The following EPHA5 variants were observed in gnomAD, a reference collection of about 807,000 sequenced individuals.
EPHA5 encodes EPH receptor A5.
A neutral mutation model predicts 105.0 loss-of-function variants in EPHA5; 60 were observed. The ratio of observed to expected loss-of-function variants is 0.57; its 90% CI spans 0.46 to 0.71. EPHA5 has a LOEUF of 0.71. Among genes scored for constraint, EPHA5 ranks in the 30% least tolerant of loss-of-function variants. The pLI is 0.00. For synonymous variants in EPHA5, 513 were observed against 449.1 expected, an observed-to-expected ratio of 1.14 and a Z score of -1.80; for missense variants, 1,218 against 1,274.7, an observed-to-expected ratio of 0.96 and a Z score of 0.68.
intron 1 of EPHA5, among the ~76,000 whole-genome samples, chr4:65,644,989 TAA>T (rs1182329634): frequency 2.0e-5 from 3 of 152,076 alleles, no homozygotes; most frequent in Non-Finnish European, 2.9e-5. Context: ...TAAGGAATAA[TAA>T]TTAATTTGTG....
chr4:65,447,056 A>C (rs1424281359), intron 5 of EPHA5, among the ~76,000 whole-genome samples: 1 of 143,790 alleles, frequency 7.0e-6, no homozygotes, highest in Non-Finnish European at 1.5e-5. Flanking sequence ...GCATGATCAT[A>C]GCTCACTGTA....
intron 14 of EPHA5, 118 bp downstream of exon 14, chr4:65,347,936 A>G: frequency 1.9e-6 from 2 of 1,080,888 alleles, no homozygotes; most frequent in Non-Finnish European, 2.6e-6. Context: ...TCAGAGGGTA[A>G]GCAAAGTATT....
intron 5 of EPHA5, among the ~76,000 whole-genome samples, chr4:65,486,162 T>C (rs972319101): frequency 1.3e-5 from 2 of 152,056 alleles, no homozygotes; most frequent in Non-Finnish European, 2.9e-5. Context: ...CACAGTGAAG[T>C]TCGAAGTTCC....
intron 3 of EPHA5, among the ~76,000 whole-genome samples, chr4:65,510,801 A>G (rs1447325368): frequency 6.6e-6 from 1 of 152,230 alleles, no homozygotes; most frequent in East Asian, 1.9e-4. Context: ...TGTGCCTGAC[A>G]TAGTCCACAA....
At position 65,322,836 on chromosome 4, in the gene EPHA5, G is replaced by A. The variant is rs974224478; in HGVS notation, c.*1278C>T. The A allele has an allele frequency of 4.4e-6, 1 of 228,922 alleles. No homozygotes were observed. Among genetic ancestry groups the A allele is most frequent in the African/African-American group, 2.2e-5 (1 of 45,038 alleles). 14.2% of individuals were successfully genotyped at this position (228,922 alleles called of 1,614,324 possible). ...TAAGCATATATATATATTTGTGTGT[G>A]TGTATGTGTATATATATATATTTGT... is the stretch of plus-strand genomic sequence containing the variant. On this transcript the variant is annotated 3_prime_UTR_variant, in exon 17 of 17. Coordinates refer to ENST00000613740, the MANE Select transcript of EPHA5 (RefSeq NM_001281766.3).
At chr4:65,334,694 A>G (rs1164512553) in intron 15 of EPHA5, among the ~76,000 whole-genome samples, 1 of 152,040 alleles carries the variant, frequency 6.6e-6, no homozygotes, top group Non-Finnish European at 1.5e-5. Context: ...AAACCTAGAA[A>G]GCTGAATCCT....
chr4:65,609,849 GAAC>G (rs1744599976), intron 2 of EPHA5, among the ~76,000 whole-genome samples: 1 of 151,542 alleles, frequency 6.6e-6, no homozygotes, highest in Non-Finnish European at 1.5e-5. Context: ...ATATCATGAT[GAAC>G]ATAATATGCA....
chr4:65,375,099 C>T (rs1326406688), intron 8 of EPHA5, among the ~76,000 whole-genome samples: 1 of 151,838 alleles, frequency 6.6e-6, no homozygotes, highest in African/African-American at 2.4e-5. Context: ...GATTCCTACC[C>T]AGTAAAAATT....
At chr4:65,657,075 C>T (rs1749143538) in intron 1 of EPHA5, among the ~76,000 whole-genome samples, 1 of 151,630 alleles carries the variant, frequency 6.6e-6, no homozygotes, top group African/African-American at 2.4e-5. Context: ...TCTTAAAATG[C>T]TATTCTGTTC....
At chr4:65,374,251 A>G (rs1718771721) in intron 8 of EPHA5, among the ~76,000 whole-genome samples, 1 of 151,946 alleles carries the variant, frequency 6.6e-6, no homozygotes, top group African/African-American at 2.4e-5. Context: ...AGTTTCATTC[A>G]GAAATAGTAC....
chr4:65,414,628 T>C (rs1458111557), intron 6 of EPHA5, among the ~76,000 whole-genome samples, 185 bp from the exon 7 acceptor site: 1 of 152,168 alleles, frequency 6.6e-6, no homozygotes, highest in African/African-American at 2.4e-5. Context: ...TTAAAGTCTT[T>C]TCTAGAACTC....
intron 14 of EPHA5, among the ~76,000 whole-genome samples, chr4:65,341,432 C>A (rs1577859152): frequency 6.6e-6 from 1 of 151,646 alleles, no homozygotes; most frequent in Non-Finnish European, 1.5e-5. Context: ...TCAACACACA[C>A]CAAATAAAAT....
chr4:65,489,202 C>T (rs930907175), intron 5 of EPHA5, among the ~76,000 whole-genome samples: 1 of 152,074 alleles, frequency 6.6e-6, no homozygotes, highest in African/African-American at 2.4e-5. Flanking sequence ...CAGCCAGCTG[C>T]ATGCTTTTTC....
intron 1 of EPHA5, among the ~76,000 whole-genome samples, chr4:65,656,682 G>C (rs1291611080): frequency 4.0e-5 from 6 of 150,014 alleles, no homozygotes; most frequent in Non-Finnish European, 4.4e-5. Flanking sequence ...GGAGTGATCA[G>C]GGCTCACTGA....
At chr4:65,668,377 C>T (rs1750139091) in intron 1 of EPHA5, among the ~76,000 whole-genome samples, 1 of 152,172 alleles carries the variant, frequency 6.6e-6, no homozygotes, top group African/African-American at 2.4e-5. Flanking sequence ...TTTTGAGCCT[C>T]ACGCGTCGCA....
chr4:65,507,692 G>C (rs1390315195), intron 3 of EPHA5, among the ~76,000 whole-genome samples: 2 of 152,110 alleles, frequency 1.3e-5, no homozygotes, highest in Non-Finnish European at 2.9e-5. Flanking sequence ...GTATAAGAAT[G>C]CTTGTGATTT....
chr4:65,627,647 C>T lies in EPHA5; in HGVS notation c.246+15716G>A, dbSNP rs1221852983. 5.3e-5 allele frequency among the ~76,000 whole-genome samples: 8 copies of T among 152,108 alleles called. No homozygotes were observed. In the East Asian group the frequency reaches 7.7e-4, roughly 15 times the overall value. On this transcript the variant is annotated intron_variant, in intron 2 of 16. Coordinates refer to ENST00000613740, the MANE Select transcript of EPHA5 (RefSeq NM_001281766.3). ...AGAAAGATATCTCATGATAGCATTG[C>T]CATTTCTATGTCTAACCATATTATG...
intron 2 of EPHA5, among the ~76,000 whole-genome samples, chr4:65,614,797 G>A (rs1175224397): frequency 6.6e-6 from 1 of 151,724 alleles, no homozygotes; most frequent in African/African-American, 2.4e-5. Context: ...GAAATATATG[G>A]TGCATTTAAA....
chr4:65,585,887 A>G (rs186092118), intron 3 of EPHA5, among the ~76,000 whole-genome samples: 29 of 151,940 alleles, frequency 1.9e-4, no homozygotes, highest in African/African-American at 7.0e-4. Flanking sequence ...AGTAATATTT[A>G]TAATATAAAA....
Sources: allele counts gnomAD v4.1 joint callset (sites outside exome capture counted in the v4.1 genomes callset), GRCh38; gene constraint gnomAD v4.1.1; transcripts MANE v1.5; gene names NCBI Gene and HGNC (gene_info 2026-07-23, HGNC 2026-07-21).